NINL: variants seen among roughly 807,000 people sequenced by gnomAD.
NINL encodes ninein like, also known as ninein-like protein.
Under a neutral mutation model 160.3 loss-of-function variants are expected in NINL, and 153 were observed. The ratio of observed to expected loss-of-function variants is 0.95; its 90% CI spans 0.84 to 1.09. The LOEUF (loss-of-function observed/expected upper bound fraction) is 1.09, where lower values mean the gene tolerates loss of function less well. Among genes scored for constraint, NINL ranks in the 50% least tolerant of loss-of-function variants. The pLI is 0.00. For missense variants in NINL, 1,829 were observed against 1,764.0 expected, an observed-to-expected ratio of 1.04 and a Z score of -0.66; for synonymous variants, 800 against 734.8, an observed-to-expected ratio of 1.09 and a Z score of -1.43.
chr20:25,491,506 G>A lies in NINL; in HGVS notation c.1330C>T (p.Arg444Trp), dbSNP rs148298735. Reference sequence around the variant, plus strand: ...GACCGCAGGAGGCTCAGCCTTTCCCGGTACCCCTGCTCCAGATGCCTGTAA... The same window carrying A: ...GACCGCAGGAGGCTCAGCCTTTCCCAGTACCCCTGCTCCAGATGCCTGTAA... The part of the protein sequence containing the change: ...KKIKHLEQGY[R>W]ERLSLLRSEV... Residue 444 changes from arginine to tryptophan, a missense_variant, in exon 11 of 24, where the codon CGG (arginine) becomes TGG (tryptophan). Physicochemically the swap from Arg to Trp is moderately radical, Grantham distance 101. Transcript: ENST00000278886. 3.3e-5 allele frequency: 54 copies of A among 1,613,724 alleles called. No homozygotes were observed. The Admixed American group carries it at 6.5e-4, about 19-fold the overall frequency.
intron 1 of NINL, among the ~76,000 whole-genome samples, chr20:25,533,699 A>C (rs778607569): frequency 6.6e-6 from 1 of 152,228 alleles, no homozygotes; most frequent in Non-Finnish European, 1.5e-5. Context: ...TCTCCAATAA[A>C]TGCTGCAGGG....
intron 1 of NINL, among the ~76,000 whole-genome samples, chr20:25,532,051 T>G (rs1175248328): frequency 6.6e-6 from 1 of 152,150 alleles, no homozygotes; most frequent in Non-Finnish European, 1.5e-5. Flanking sequence ...GAAGGACAGC[T>G]CTGTGTGTGG....
At chr20:25,524,037 T>C (rs900172696) in intron 2 of NINL, among the ~76,000 whole-genome samples, 1 of 152,200 alleles carries the variant, frequency 6.6e-6, no homozygotes, top group Non-Finnish European at 1.5e-5. Flanking sequence ...ATTGGGTTTC[T>C]TGTAGAAAAA....
chr20:25,552,302 G>T (rs2064814825), intron 1 of NINL, among the ~76,000 whole-genome samples: 1 of 152,034 alleles, frequency 6.6e-6, no homozygotes, highest in South Asian at 2.1e-4. Context: ...GGGAGGCAAA[G>T]GTGGGAGGAC....
At chr20:25,560,064 G>T (rs1380262155) in intron 1 of NINL, among the ~76,000 whole-genome samples, 2 of 152,090 alleles carry the variant, frequency 1.3e-5, no homozygotes, top group Non-Finnish European at 2.9e-5. Flanking sequence ...TTCCACCCCA[G>T]ACTCCCAAGT....
At chr20:25,549,405 G>C (rs1382896421) in intron 1 of NINL, among the ~76,000 whole-genome samples, 6 of 132,664 alleles carry the variant, frequency 4.5e-5, no homozygotes, top group African/African-American at 8.5e-5. Context: ...CTCACCCAGG[G>C]CTGGCCCCGG....
chr20:25,533,177 A>T (rs891855512), intron 1 of NINL, among the ~76,000 whole-genome samples: 1 of 152,164 alleles, frequency 6.6e-6, no homozygotes, highest in African/African-American at 2.4e-5. Flanking sequence ...GAGCAGCCTG[A>T]AGATGGGGCT....
intron 1 of NINL, among the ~76,000 whole-genome samples, chr20:25,552,805 C>G (rs1195152956): frequency 6.6e-6 from 1 of 152,240 alleles, no homozygotes; most frequent in Non-Finnish European, 1.5e-5. Flanking sequence ...CAGAGTAGCT[C>G]CAGGTGGCTC....
chr20:25,551,387 A>G (rs2064806099), intron 1 of NINL, among the ~76,000 whole-genome samples: 1 of 152,200 alleles, frequency 6.6e-6, no homozygotes, highest in Non-Finnish European at 1.5e-5. Flanking sequence ...ATAAATAAAA[A>G]AAAAAAGAAA....
chr20:25,459,764 C>A (rs996312204), intron 21 of NINL, among the ~76,000 whole-genome samples: 1 of 152,184 alleles, frequency 6.6e-6, no homozygotes, highest in Admixed American at 6.5e-5. Flanking sequence ...CAAGGGGGAT[C>A]TCTGCCCATG....
chr20:25,467,057 C>T (rs1223421501), intron 19 of NINL, among the ~76,000 whole-genome samples: 2 of 152,246 alleles, frequency 1.3e-5, no homozygotes, highest in African/African-American at 2.4e-5. Flanking sequence ...ACAACACAGA[C>T]AGTGCCTGCC....
chr20:25,496,861 G>T, intron 9 of NINL, 58 bp from the exon 10 acceptor site: 1 of 1,597,502 alleles, frequency 6.3e-7, no homozygotes. Flanking sequence ...GACCCGCCAT[G>T]CCAGGTGGCT....
intron 10 of NINL, among the ~76,000 whole-genome samples, chr20:25,495,726 T>C (rs1170694495): frequency 6.6e-6 from 1 of 152,232 alleles, no homozygotes; most frequent in East Asian, 1.9e-4. Context: ...CAGGCAGACA[T>C]GTGCCCCACC....
chr20:25,554,806 AAAAC>A (rs555460073), intron 1 of NINL, among the ~76,000 whole-genome samples: 22 of 152,030 alleles, frequency 1.4e-4, no homozygotes, highest in African/African-American at 3.1e-4. Context: ...AACCATCTTA[AAAAC>A]AAACAAACAA....
intron 1 of NINL, among the ~76,000 whole-genome samples, chr20:25,538,840 G>A (rs957064832): frequency 3.3e-5 from 5 of 152,078 alleles, no homozygotes; most frequent in African/African-American, 1.2e-4. Context: ...GCACAAGGCC[G>A]GGGAGCACAG....
intron 2 of NINL, among the ~76,000 whole-genome samples, chr20:25,522,325 C>A (rs571570345): frequency 9.2e-5 from 14 of 152,162 alleles, no homozygotes; most frequent in Non-Finnish European, 1.9e-4. Context: ...GAAAGCTTGG[C>A]CTGAGTTAGC....
chr20:25,496,882 T>C, intron 9 of NINL, 79 bp from the exon 10 acceptor site: 3 of 1,559,614 alleles, frequency 1.9e-6, no homozygotes, highest in South Asian at 2.4e-5. Flanking sequence ...CTGGGCCCCA[T>C]ATCTGCATCA....
intron 1 of NINL, among the ~76,000 whole-genome samples, chr20:25,555,970 C>T (rs577262850): frequency 5.5e-4 from 76 of 138,002 alleles, no homozygotes; most frequent in East Asian, 3.0e-3. Flanking sequence ...CCACCATGCC[C>T]GGCTTATTTT....
At chr20:25,582,040 G>C (rs1485812716) in intron 1 of NINL, among the ~76,000 whole-genome samples, 1 of 151,776 alleles carries the variant, frequency 6.6e-6, no homozygotes, top group Non-Finnish European at 1.5e-5. Flanking sequence ...GGTGGATCAC[G>C]AGGTCAGGAG....
Sources: allele counts gnomAD v4.1 joint callset (sites outside exome capture counted in the v4.1 genomes callset), GRCh38; gene constraint gnomAD v4.1.1; transcripts MANE v1.5; gene names NCBI Gene and HGNC (gene_info 2026-07-23, HGNC 2026-07-21).